The following BRWD1 variants were observed in gnomAD, a reference collection of about 807,000 sequenced individuals.
BRWD1 encodes the protein bromodomain and WD repeat-containing protein 1.
A neutral mutation model predicts 251.2 loss-of-function variants in BRWD1; 82 were observed. The observed-to-expected ratio is 0.33, with a 90% CI of 0.27 to 0.39. The LOEUF (loss-of-function observed/expected upper bound fraction) is 0.39. Among genes scored for constraint, BRWD1 ranks in the 10% least tolerant of loss-of-function variants. BRWD1 has a pLI of 1.00. For missense variants in BRWD1, 2,233 were observed against 2,711.6 expected (o/e 0.82, Z 3.92); for synonymous variants, 918 against 902.8 (o/e 1.02, Z -0.30).
intron 3 of BRWD1, 24 bp downstream of exon 3, chr21:39,313,048 G>A (rs1315801108): frequency 1.4e-6 from 2 of 1,382,716 alleles, no homozygotes; most frequent in Non-Finnish European, 1.9e-6. Flanking sequence ...ACCCGAGGGA[G>A]CGCGGGGACG....
At chr21:39,288,157 T>G (rs1003042937) in intron 8 of BRWD1, among the ~76,000 whole-genome samples, 1 of 152,222 alleles carries the variant, frequency 6.6e-6, no homozygotes, top group Non-Finnish European at 1.5e-5. Context: ...GTTATTACCA[T>G]GAAGACCTTT....
At chr21:39,264,145 C>T (rs182032898) in intron 17 of BRWD1, among the ~76,000 whole-genome samples, 41 of 152,092 alleles carry the variant, frequency 2.7e-4, no homozygotes, top group African/African-American at 8.7e-4. Context: ...AAGCTATAAA[C>T]GAACATTACT....
Position 39,192,971 on chromosome 21 carries a change from C to A in BRWD1, c.*3288G>T, listed in dbSNP as rs984402764. 1.0e-6 allele frequency: 1 copy of A among 984,588 alleles called. No homozygotes were observed. The highest frequency in any genetic ancestry group is 1.2e-6 in the Non-Finnish European group (1 of 829,422). 61.0% of individuals were successfully genotyped at this position (984,588 alleles called of 1,614,324 possible). ...GAAGACAGAGGGAATGTAGTGTGCA[C>A]CCCTTATTCTAAGTGATAATTTTTA... On this transcript the variant is annotated 3_prime_UTR_variant, in exon 41 of 41. Transcript: ENST00000342449.
chr21:39,287,520 T>C (rs1444718228), intron 8 of BRWD1, among the ~76,000 whole-genome samples: 1 of 152,250 alleles, frequency 6.6e-6, no homozygotes, highest in African/African-American at 2.4e-5. Flanking sequence ...TGTTTTTCTC[T>C]GTATTAACCT....
upstream of BRWD1, among the ~76,000 whole-genome samples, chr21:39,317,728 T>C (rs904368987): frequency 1.3e-5 from 2 of 152,210 alleles, no homozygotes; most frequent in African/African-American, 4.8e-5. Flanking sequence ...CGCAGGCAAC[T>C]CTTAGATTCT....
In BRWD1 at chr21:39,199,530, A is replaced by G; in HGVS notation, c.4886T>C (p.Leu1629Ser). 2 of 1,614,098 alleles carry G rather than the reference A, an allele frequency of 1.2e-6. No individual in the cohort carries two copies. The highest frequency in any genetic ancestry group is 1.7e-6 in the Non-Finnish European group (2 of 1,180,026). ...GGCAGCCACAGCAGCACACTTCCTT[A>G]AGACTTTTCGGTTATTTCCAGCTCT... ...KARAGNNRKV[L>S]RKCAAVAANK... The change falls in exon 40 of 41, where the codon TTA becomes TCA. Residue 1629 changes from leucine (L) to serine (S), a missense_variant. Transcript: ENST00000342449.
chr21:39,210,583 A>G (rs778632570), intron 35 of BRWD1, among the ~76,000 whole-genome samples: 5 of 152,212 alleles, frequency 3.3e-5, no homozygotes, highest in Non-Finnish European at 4.4e-5. Flanking sequence ...ATCTAAGTCT[A>G]AATTCTTAAA....
chr21:39,198,635 G>T, intron 40 of BRWD1, 128 bp downstream of exon 40: 1 of 706,020 alleles, frequency 1.4e-6, no homozygotes, highest in Non-Finnish European at 2.3e-6. Flanking sequence ...AGAATGCATG[G>T]GAGGGAGAGA....
chr21:39,315,918 T>C (rs991979629), upstream of BRWD1: 2 of 152,190 alleles, frequency 1.3e-5, no homozygotes, highest in African/African-American at 4.8e-5. Flanking sequence ...CAGGCTACAA[T>C]GTGTGGAAAG....
At chr21:39,267,302 A>G (rs774507700) in intron 15 of BRWD1, among the ~76,000 whole-genome samples, 1 of 152,120 alleles carries the variant, frequency 6.6e-6, no homozygotes, top group African/African-American at 2.4e-5. Context: ...TGCCTCTAAA[A>G]TACATCACAC....
At chr21:39,249,764 G>A (rs2034326987) in intron 20 of BRWD1, among the ~76,000 whole-genome samples, 1 of 152,106 alleles carries the variant, frequency 6.6e-6, no homozygotes, top group African/African-American at 2.4e-5. Context: ...TTTCACGAGT[G>A]ATAATAGGTT....
Position 39,224,410 on chromosome 21 carries a change from T to C in BRWD1, c.3380A>G (p.Asn1127Ser), listed in dbSNP as rs1169386253. 2 of 1,564,836 alleles carry C rather than the reference T, an allele frequency of 1.3e-6. No homozygotes were observed. Among genetic ancestry groups the C allele is most frequent in the Admixed American group, 3.5e-5 (2 of 57,956 alleles). The change falls in exon 29 of 41, where the codon AAT (asparagine) becomes AGT (serine). Residue 1127 changes from asparagine (N) to serine (S), a missense_variant and splice_region_variant. By Grantham distance (46) the Asn-to-Ser change is conservative. This residue lies in a region of BRWD1 where 139 missense variants were observed against 272.8 expected (regional missense o/e 0.51). Coordinates refer to ENST00000342449, the MANE Select transcript of BRWD1 (RefSeq NM_033656.4). ...CATTATTTAACAAATATATATACCA[T>C]TATCAGGAATTGGTTCCATGTCCCA... ...SPWDMEPIPD[N>S]VDPPEELGAS... is the part of the protein sequence containing the mutation.
chr21:39,311,875 T>A (rs2036495654), intron 4 of BRWD1, among the ~76,000 whole-genome samples: 2 of 152,236 alleles, frequency 1.3e-5, no homozygotes, highest in South Asian at 4.1e-4. Context: ...CTACCACTTT[T>A]TTTTCTTCTT....
intron 40 of BRWD1, 91 bp downstream of exon 40, chr21:39,198,672 G>A (rs2031946585): frequency 2.6e-6 from 3 of 1,168,408 alleles, no homozygotes; most frequent in South Asian, 3.2e-5. Flanking sequence ...AAGTTTCAAG[G>A]GAAACTTTTT....
chr21:39,236,204 C>A (rs2033805479), intron 23 of BRWD1, among the ~76,000 whole-genome samples: 1 of 152,200 alleles, frequency 6.6e-6, no homozygotes, highest in Non-Finnish European at 1.5e-5. Flanking sequence ...CCCAGTCCTG[C>A]AAAGGACTCC....
chr21:39,226,168 C>T (rs1356691119), intron 27 of BRWD1, among the ~76,000 whole-genome samples: 1 of 152,006 alleles, frequency 6.6e-6, no homozygotes, highest in Non-Finnish European at 1.5e-5. Context: ...AAAAAGGAGC[C>T]TGAAAAAATT....
At chr21:39,309,454 G>A (rs1007840763) in intron 4 of BRWD1, among the ~76,000 whole-genome samples, 4 of 152,040 alleles carry the variant, frequency 2.6e-5, no homozygotes, top group African/African-American at 9.7e-5. Flanking sequence ...TGAGACCCAG[G>A]GTGGGGCGGG....
intron 21 of BRWD1, among the ~76,000 whole-genome samples, chr21:39,240,637 G>A (rs909820102): frequency 1.3e-5 from 2 of 152,128 alleles, no homozygotes; most frequent in Admixed American, 1.3e-4. Context: ...CCAGGAGAAC[G>A]ATTCAATAAA....
intron 19 of BRWD1, among the ~76,000 whole-genome samples, chr21:39,253,474 CTT>C (rs1261010490): frequency 6.6e-6 from 1 of 152,106 alleles, no homozygotes; most frequent in Non-Finnish European, 1.5e-5. Flanking sequence ...GTCTTTCTCT[CTT>C]GACACCTGTT....
Sources: allele counts gnomAD v4.1 joint callset (sites outside exome capture counted in the v4.1 genomes callset), GRCh38; gene constraint gnomAD v4.1.1; regional missense constraint gnomAD v4.1.1; transcripts MANE v1.5; gene names NCBI Gene and HGNC (gene_info 2026-07-23, HGNC 2026-07-21).